Variants in RAPGEF5 observed in about 807,000 individuals in gnomAD.
The protein encoded by RAPGEF5 is Rap guanine nucleotide exchange factor 5, also known as M-Ras-regulated GEF.
A neutral mutation model predicts 125.2 loss-of-function variants in RAPGEF5; 65 were observed. The ratio of observed to expected loss-of-function variants is 0.52; its 90% confidence interval spans 0.43 to 0.64. The LOEUF (loss-of-function observed/expected upper bound fraction) is 0.64, where lower values mean the gene tolerates loss of function less well. Among genes scored for constraint, RAPGEF5 ranks in the 30% least tolerant of loss-of-function variants. The pLI, the probability that RAPGEF5 is intolerant of heterozygous loss-of-function variation, is 0.00. For missense variants in RAPGEF5, 958 were observed against 1,048.1 expected (o/e 0.91, Z 1.19); for synonymous variants, 391 against 385.9 (o/e 1.01, Z -0.16).
chr7:22,169,196 G>A (rs1029436834), intron 11 of RAPGEF5, among the ~76,000 whole-genome samples: 7 of 152,218 alleles, frequency 4.6e-5, no homozygotes, highest in Non-Finnish European at 7.4e-5. Flanking sequence ...GCCTGTGTAC[G>A]CAGAAGAGCC....
At chr7:22,239,280 C>T (rs996214069) in intron 7 of RAPGEF5, among the ~76,000 whole-genome samples, 1 of 152,204 alleles carries the variant, frequency 6.6e-6, no homozygotes, top group Non-Finnish European at 1.5e-5. Flanking sequence ...CCCCCAAATC[C>T]TCCCTAGGCC....
chr7:22,333,635 T>C (rs1182914990), intron 1 of RAPGEF5, among the ~76,000 whole-genome samples: 1 of 152,020 alleles, frequency 6.6e-6, no homozygotes, highest in African/African-American at 2.4e-5. Flanking sequence ...GTGTAAGGTA[T>C]ATGAATGTGC....
rs555651551 is a variant in RAPGEF5 at position 22,234,845 on chromosome 7, C to A, written c.797-3926G>T. On this transcript the variant is annotated intron_variant, in intron 7 of 25. Coordinates refer to ENST00000665637, the MANE Select transcript of RAPGEF5 (RefSeq NM_012294.5). The stretch of plus-strand genomic sequence containing the variant: ...CAAACAAACAAACAAACAACAACAA[C>A]AAAAAACAACTCTGTCAGTAACTCT... Among the ~76,000 whole-genome samples, 6 of 150,752 alleles carry A rather than the reference C, an allele frequency of 4.0e-5. No homozygotes were observed. The South Asian group carries it at 6.7e-4, about 17-fold the overall frequency.
chr7:22,254,841 G>A (rs1187407411), intron 7 of RAPGEF5, among the ~76,000 whole-genome samples: 1 of 152,002 alleles, frequency 6.6e-6, no homozygotes, highest in African/African-American at 2.4e-5. Context: ...TCACAACAGG[G>A]GTCGCGCACC....
At chr7:22,248,422 G>A (rs928282574) in intron 7 of RAPGEF5, among the ~76,000 whole-genome samples, 6 of 152,270 alleles carry the variant, frequency 3.9e-5, no homozygotes, top group Admixed American at 3.3e-4. Flanking sequence ...AGAGATGTGA[G>A]GTGCCCGATG....
At chr7:22,340,439 A>G (rs1784103848) in intron 1 of RAPGEF5, among the ~76,000 whole-genome samples, 2 of 152,260 alleles carry the variant, frequency 1.3e-5, no homozygotes, top group African/African-American at 4.8e-5. Context: ...AGACCAAACC[A>G]GAGAAGGAGA....
intron 18 of RAPGEF5, among the ~76,000 whole-genome samples, chr7:22,149,523 C>T (rs747857281): frequency 2.0e-5 from 3 of 152,194 alleles, no homozygotes; most frequent in African/African-American, 4.8e-5. Context: ...TCTTTAGGAA[C>T]CACAGCAGCA....
intron 7 of RAPGEF5, among the ~76,000 whole-genome samples, chr7:22,266,101 C>T (rs1361089430): frequency 6.6e-6 from 1 of 152,152 alleles, no homozygotes; most frequent in Non-Finnish European, 1.5e-5. Flanking sequence ...GGGTTTCTAA[C>T]TGGAAAAAGA....
At chr7:22,189,406 G>A (rs1248451447) in intron 11 of RAPGEF5, among the ~76,000 whole-genome samples, 3 of 152,102 alleles carry the variant, frequency 2.0e-5, no homozygotes, top group Non-Finnish European at 4.4e-5. Context: ...TCTCTAGGGA[G>A]GAGAAAGGGT....
In RAPGEF5 at chr7:22,323,879, T is replaced by C. The variant is rs576908820; in HGVS notation, c.232-5842A>G. 1.3e-3 allele frequency among the ~76,000 whole-genome samples: 198 copies of C among 152,356 alleles called. 1 individual carries two copies. Among genetic ancestry groups the C allele is most frequent in the Admixed American group, 3.2e-3 (49 of 15,304 alleles). On this transcript the variant is annotated intron_variant, in intron 1 of 25. Transcript: ENST00000665637. ...AGGACAGCCCTTCCTCATGGGATTA[T>C]TTTAATTACTAAATGCAGTAAAAAG...
In RAPGEF5 at chr7:22,150,494, T is replaced by C; in HGVS notation, c.1797A>G (p.Glu599=). The C allele has an allele frequency of 1.9e-6, 3 of 1,569,460 alleles. No homozygotes were observed. The highest frequency in any genetic ancestry group is 2.6e-6 in the Non-Finnish European group (3 of 1,167,724). The change falls in exon 18 of 26, where the codon GAA becomes GAG. Residue 599 remains glutamate, a synonymous_variant. Transcript: ENST00000665637. ...AGATGACTAAGTCATTTGGCTGAAG[T>C]TCATGCTTTTCTTTATTTGAAAAAA... ...VAITFSGEKH[E]LQPNDLVISK...
intron 6 of RAPGEF5, among the ~76,000 whole-genome samples, chr7:22,269,434 G>C (rs944283008): frequency 1.3e-5 from 2 of 151,990 alleles, no homozygotes; most frequent in Non-Finnish European, 2.9e-5. Flanking sequence ...ACATTATCCT[G>C]GGCAATTGAC....
chr7:22,319,736 T>C (rs1783675690), intron 1 of RAPGEF5, among the ~76,000 whole-genome samples: 1 of 152,186 alleles, frequency 6.6e-6, no homozygotes, highest in Non-Finnish European at 1.5e-5. Flanking sequence ...AAAATCACTA[T>C]GGCAGACCAG....
At chr7:22,191,490 G>C (rs533507917) in intron 11 of RAPGEF5, 157 of 457,498 alleles carry the variant, frequency 3.4e-4, no homozygotes, top group African/African-American at 3.0e-3. Context: ...CAAACTCTAA[G>C]GAAATGAGCA....
chr7:22,295,340 G>T (rs750782188), intron 5 of RAPGEF5, among the ~76,000 whole-genome samples: 1 of 152,164 alleles, frequency 6.6e-6, no homozygotes, highest in Non-Finnish European at 1.5e-5. Flanking sequence ...AGAGTCCAGA[G>T]TGTATAGTTA....
intron 9 of RAPGEF5, among the ~76,000 whole-genome samples, chr7:22,210,931 A>G (rs946314598): frequency 6.6e-6 from 1 of 152,190 alleles, no homozygotes; most frequent in Non-Finnish European, 1.5e-5. Flanking sequence ...TTTTGCTTCA[A>G]AAAGAGAGCA....
chr7:22,323,450 T>C (rs919699191), intron 1 of RAPGEF5, among the ~76,000 whole-genome samples: 5 of 152,254 alleles, frequency 3.3e-5, no homozygotes, highest in African/African-American at 1.2e-4. Flanking sequence ...TTTGATTTTA[T>C]TTAGTTCTTG....
rs1251595610 is a variant in RAPGEF5 at position 22,118,244 on chromosome 7, G to T, written c.*4162C>A. The stretch of plus-strand genomic sequence containing the variant: ...ACCCCCTGAGCATCATATGCTGCCA[G>T]AACAGAGCTATTTAATCCACACACA... On this transcript the variant is annotated 3_prime_UTR_variant, in exon 26 of 26. Coordinates refer to ENST00000665637, the MANE Select transcript of RAPGEF5 (RefSeq NM_012294.5). The T allele has an allele frequency of 6.6e-6, 1 of 152,182 alleles. No homozygotes were observed. Among genetic ancestry groups the T allele is most frequent in the Non-Finnish European group, 1.5e-5 (1 of 68,030 alleles). The allele number at this position is 152,182 out of a possible 1,614,324, so 9.4% of individuals were successfully genotyped here.
intron 9 of RAPGEF5, among the ~76,000 whole-genome samples, chr7:22,198,739 T>C (rs530702949): frequency 6.6e-6 from 1 of 152,280 alleles, no homozygotes; most frequent in South Asian, 2.1e-4. Flanking sequence ...TACTGAGGGC[T>C]TACCATACAG....
Sources: allele counts gnomAD v4.1 joint callset (sites outside exome capture counted in the v4.1 genomes callset), GRCh38; gene constraint gnomAD v4.1.1; transcripts MANE v1.5; gene names NCBI Gene and HGNC (gene_info 2026-07-23, HGNC 2026-07-21).